Variants in PLSCR3 observed in about 807,000 individuals in gnomAD.
PLSCR3 encodes the protein PL scramblase 3.
A neutral mutation model predicts 33.7 loss-of-function variants in PLSCR3; 17 were observed. The ratio of observed to expected loss-of-function variants is 0.50; its 90% CI spans 0.35 to 0.76. PLSCR3 has a LOEUF of 0.76. Ranked by LOEUF, PLSCR3 falls within the 30% of genes least tolerant of loss-of-function variation. The probability of loss-of-function intolerance (pLI) is 0.01; values close to 1 mark genes in which losing one functional copy is unlikely to be tolerated. For synonymous variants in PLSCR3, 166 were observed against 166.0 expected, an observed-to-expected ratio of 1.00 and a Z score of 0.00; for missense variants, 360 against 394.1, an observed-to-expected ratio of 0.91 and a Z score of 0.73.
rs772309744 is a variant in PLSCR3 at position 7,390,822 on chromosome 17, C to T, written c.670-27G>A. The stretch of plus-strand genomic sequence containing the variant: ...TGTCATCAGGGAGGGAGAAAGGACC[C>T]AGCTGAGGAGGAGGCAGCCAGTCTC... On this transcript the variant is annotated intron_variant, in intron 6 of 7. Transcript: ENST00000619711. 2.5e-6 allele frequency: 4 copies of T among 1,612,454 alleles called. No individual in the cohort carries two copies. In the South Asian group the frequency reaches 4.4e-5, roughly 18 times the overall value.
rs567033412 is a variant in PLSCR3 at position 7,394,195 on chromosome 17, GAC to G, written c.-87_-86del. 2,514 of 1,302,986 alleles carry G rather than the reference GAC, an allele frequency of 1.9e-3. 32 individuals carry two copies. Among genetic ancestry groups the G allele is most frequent in the South Asian group, 0.018 (1,455 of 81,814 alleles). 80.7% of individuals were successfully genotyped at this position (1,302,986 alleles called of 1,614,324 possible). ...AGGCAAACTCGGAGATAGCCAGACA[GAC>G]ACAGAGACAGACACAAAGACGGAGA... is the stretch of plus-strand genomic sequence containing the variant. On this transcript the variant is annotated 5_prime_UTR_variant, in exon 2 of 8. Coordinates refer to ENST00000619711, the MANE Select transcript of PLSCR3 (RefSeq NM_020360.4). The surrounding 1 kb of genome is among the most constrained non-coding windows in gnomAD (Gnocchi z 5.3).
rs568300386 is a variant in PLSCR3 at position 7,390,866 on chromosome 17, C to T, written c.670-71G>A. Reference sequence around the variant, plus strand: ...CAGTCTCACCTGCTCCAGTCTCATTCCCACAGTCGCACGTATGAATTTGCA... The same window carrying T: ...CAGTCTCACCTGCTCCAGTCTCATTTCCACAGTCGCACGTATGAATTTGCA... On this transcript the variant is annotated intron_variant, in intron 6 of 7. Coordinates refer to ENST00000619711, the MANE Select transcript of PLSCR3 (RefSeq NM_020360.4). 80 of 1,497,934 alleles carry T rather than the reference C, an allele frequency of 5.3e-5. No homozygotes were observed. In the African/African-American group the frequency reaches 1.0e-3, roughly 19 times the overall value. 92.8% of individuals were successfully genotyped at this position (1,497,934 alleles called of 1,614,324 possible).
Position 7,393,254 on chromosome 17 carries a change from C to T in PLSCR3, c.397G>A (p.Ala133Thr), listed in dbSNP as rs543957736. The change falls in exon 5 of 8, where the codon GCC becomes ACC. Residue 133 changes from alanine (A) to threonine (T), a missense_variant. Transcript: ENST00000619711. Reference protein sequence around the residue: ...SNCCARLCCGARRPLRVRLAD... With the variant: ...SNCCARLCCGTRRPLRVRLAD... ...AGGCGGACACGCAGCGGCCGGCGGG[C>T]GCCACAGCACAGACGGGCGCAGCAG... 6.3e-7 allele frequency: 1 copy of T among 1,596,152 alleles called. No homozygotes were observed. Among genetic ancestry groups the T allele is most frequent in the Non-Finnish European group, 8.5e-7 (1 of 1,176,044 alleles).
Position 7,394,256 on chromosome 17 carries a change from T to C in PLSCR3, c.-146A>G, listed in dbSNP as rs1019533698. 4.4e-6 allele frequency: 3 copies of C among 688,312 alleles called. No homozygotes were observed. The highest frequency in any genetic ancestry group is 3.6e-5 in the African/African-American group (2 of 55,630). The allele number at this position is 688,312 out of a possible 1,614,324, so 42.6% of individuals were successfully genotyped here. ...CGCCCGGCGCCGGCCCAGGGTCTCT[T>C]GGGCGGCGCCTCTGACTCGGGGAGA... On this transcript the variant is annotated 5_prime_UTR_variant, in exon 2 of 8. Transcript: ENST00000619711. The surrounding 1 kb of genome is among the most constrained non-coding windows in gnomAD (Gnocchi z 5.3).
intron 5 of PLSCR3, 31 bp downstream of exon 5, chr17:7,393,113 C>T (rs201415155): frequency 3.8e-6 from 3 of 796,686 alleles, no homozygotes; most frequent in Admixed American, 3.1e-5. Flanking sequence ...CCCACCAAGG[C>T]CCGCCCTCCC....
At chr17:7,390,584 A>T in intron 7 of PLSCR3, 50 bp downstream of exon 7, 2 of 1,607,376 alleles carry the variant, frequency 1.2e-6, no homozygotes, top group Non-Finnish European at 1.7e-6. Context: ...TAAAGCTTCA[A>T]ATGACAGCAA....
At chr17:7,392,990 G>A (rs569496202) in intron 5 of PLSCR3, 38 bp from the exon 6 acceptor site, 108 of 1,583,506 alleles carry the variant, frequency 6.8e-5, no homozygotes, top group Non-Finnish European at 8.7e-5. Context: ...TGCGGAGGCA[G>A]GGGTCCCAGC....
In PLSCR3 at chr17:7,392,815, G is replaced by A. The variant is rs762423836; in HGVS notation, c.645C>T (p.Gly215=). Residue 215 remains glycine, a synonymous_variant, in exon 6 of 8, where the codon GGC becomes GGT. Coordinates refer to ENST00000619711, the MANE Select transcript of PLSCR3 (RefSeq NM_020360.4). ...CCTCAAAGTTGGTGTCTGTGCCACA[G>A]CCACAGGTCCAGCAGGGCCCCACCA... ...LRVVGPCWTC[G]CGTDTNFEVK... The A allele has an allele frequency of 1.3e-5, 21 of 1,614,044 alleles. No individual in the cohort carries two copies. The highest frequency in any genetic ancestry group is 1.8e-5 in the Non-Finnish European group (21 of 1,180,014).
In PLSCR3 at chr17:7,390,248, A is replaced by G; in HGVS notation, c.*137T>C. The G allele has an allele frequency of 1.7e-6, 1 of 604,514 alleles. No homozygotes were observed. Among genetic ancestry groups the G allele is most frequent in the East Asian group, 2.8e-5 (1 of 35,316 alleles). 37.4% of individuals were successfully genotyped at this position (604,514 alleles called of 1,614,324 possible). A position where few individuals can be genotyped will look rare whatever the true frequency, so the allele number is the denominator to read the frequency against. On this transcript the variant is annotated 3_prime_UTR_variant, in exon 8 of 8. Transcript: ENST00000619711. ...GAACCACAGGGGCAGGCGGCCAGGG[A>G]GTAGGGTAGGGATGGGGCCCCCCTT...
chr17:7,393,116 G>GGC, intron 5 of PLSCR3, 28 bp downstream of exon 5: 1 of 650,886 alleles, frequency 1.5e-6, no homozygotes, highest in Non-Finnish European at 2.1e-6. Flanking sequence ...ACCAAGGCCC[G>GGC]CCCTCCCGGC....
chr17:7,390,554 G>C, intron 7 of PLSCR3, 80 bp downstream of exon 7: 1 of 1,585,534 alleles, frequency 6.3e-7, no homozygotes. Context: ...CTTTCCCCTA[G>C]CAAGAGGCCA....
At chr17:7,393,093 A>G in intron 5 of PLSCR3, 51 bp downstream of exon 5, 1 of 1,459,632 alleles carries the variant, frequency 6.9e-7, no homozygotes, top group Non-Finnish European at 9.0e-7. Flanking sequence ...GGACCTCATC[A>G]TTGTCCCGCC....
chr17:7,393,112 G>GGGCCCC, intron 5 of PLSCR3, 32 bp downstream of exon 5: 16 of 1,256,030 alleles, frequency 1.3e-5, no homozygotes, highest in Non-Finnish European at 1.6e-5. Context: ...CCCCACCAAG[G>GGGCCCC]CCCGCCCTCC....
Position 7,394,158 on chromosome 17 carries a change from T to G in PLSCR3, c.-48A>C, listed in dbSNP as rs1252202980. 1.3e-6 allele frequency: 2 copies of G among 1,597,794 alleles called. No individual in the cohort carries two copies. Among genetic ancestry groups the G allele is most frequent in the South Asian group, 1.1e-5 (1 of 90,096 alleles). The stretch of plus-strand genomic sequence containing the variant: ...AGATGATGGTGTCTGGGTGGCTTAG[T>G]TCTGGAAGCGGAGGCAAACTCGGAG... On this transcript the variant is annotated 5_prime_UTR_variant, in exon 2 of 8. Transcript: ENST00000619711. The surrounding 1 kb of genome is among the most constrained non-coding windows in gnomAD (Gnocchi z 5.3).
At chr17:7,390,907 G>T in intron 6 of PLSCR3, 112 bp from the exon 7 acceptor site, 1 of 1,052,446 alleles carries the variant, frequency 9.5e-7, no homozygotes, top group Non-Finnish European at 1.4e-6. Context: ...TCCACTCAGT[G>T]AATCTTCCCC....
Position 7,390,204 on chromosome 17 carries a change from C to G in PLSCR3, c.*181G>C. 1.8e-6 allele frequency: 1 copy of G among 562,240 alleles called. No homozygotes were observed. Among genetic ancestry groups the G allele is most frequent in the Non-Finnish European group, 3.2e-6 (1 of 315,208 alleles). 34.8% of individuals were successfully genotyped at this position (562,240 alleles called of 1,614,324 possible). Reference sequence around the variant, plus strand: ...TGGGAGGTAGCAGGAGAGCGGCTCTCATACATACCCCTCCTTGGGAACCAC... The same window carrying G: ...TGGGAGGTAGCAGGAGAGCGGCTCTGATACATACCCCTCCTTGGGAACCAC... On this transcript the variant is annotated 3_prime_UTR_variant, in exon 8 of 8. Coordinates refer to ENST00000619711, the MANE Select transcript of PLSCR3 (RefSeq NM_020360.4).
In PLSCR3 at chr17:7,391,917, G is replaced by A. The variant is rs1432904050; in HGVS notation, c.669+874C>T. On this transcript the variant is annotated intron_variant, in intron 6 of 7. Coordinates refer to ENST00000619711, the MANE Select transcript of PLSCR3 (RefSeq NM_020360.4). The surrounding 1 kb of genome is among the most constrained non-coding windows in gnomAD (Gnocchi z 4.1). ...AACTCAAGGGTCGGTCAGGTGCGGT[G>A]GCTCACGCCTGTAATCCCAGCACTT... is the stretch of plus-strand genomic sequence containing the variant. Among the ~76,000 whole-genome samples the A allele has an allele frequency of 2.0e-5, 3 of 151,984 alleles. No homozygotes were observed. The highest frequency in any genetic ancestry group is 2.9e-5 in the Non-Finnish European group (2 of 67,996).
rs750266647 is a variant in PLSCR3 at position 7,393,745 on chromosome 17, G to A, written c.99C>T (p.Pro33=). Residue 33 remains proline (P), a synonymous_variant, in exon 3 of 8, where the codon CCC becomes CCT. Transcript: ENST00000619711. Reference sequence around the variant, plus strand: ...CCTGGGCGGGCACTGGCGCCTGCCCGGGCCCAGGATGTAGCGCCGGCTCCG... The same window carrying A: ...CCTGGGCGGGCACTGGCGCCTGCCCAGGCCCAGGATGTAGCGCCGGCTCCG... ...GYPEPALHPG[P]GQAPVPAQVP... 3.3e-6 allele frequency: 5 copies of A among 1,514,882 alleles called. No homozygotes were observed. In the East Asian group the frequency reaches 7.3e-5, roughly 22 times the overall value. The allele number at this position is 1,514,882 out of a possible 1,614,324, so 93.8% of individuals were successfully genotyped here. A position where few individuals can be genotyped will look rare whatever the true frequency, so the allele number is the denominator to read the frequency against.
Position 7,393,699 on chromosome 17 carries a change from A to C in PLSCR3, c.145T>G (p.Phe49Val). Reference protein sequence around the residue: ...PAQVPAPAPGFALFPSPGPVA... With the variant: ...PAQVPAPAPGVALFPSPGPVA... Reference sequence around the variant, plus strand: ...GGGCCAGGCGAGGGGAAGAGGGCGAAGCCGGGAGCTGGGGCAGGTACCTGG... The same window carrying C: ...GGGCCAGGCGAGGGGAAGAGGGCGACGCCGGGAGCTGGGGCAGGTACCTGG... Residue 49 changes from phenylalanine to valine, a missense_variant, in exon 3 of 8, where the codon TTC (phenylalanine) becomes GTC (valine). By Grantham distance (50) the Phe-to-Val change is conservative. Transcript: ENST00000619711. The C allele has an allele frequency of 6.4e-7, 1 of 1,564,238 alleles. No homozygotes were observed. Among genetic ancestry groups the C allele is most frequent in the Non-Finnish European group, 8.6e-7 (1 of 1,162,566 alleles).
Sources: gnomAD v4.1 joint callset for allele counts (sites outside exome capture counted in the v4.1 genomes callset) on GRCh38, gnomAD v4.1.1 for gene constraint, Gnocchi (gnomAD v3.1) non-coding constraint, MANE v1.5 for transcripts, NCBI Gene and HGNC (gene_info 2026-07-23, HGNC 2026-07-21) for gene names.